MCTP1: variants seen among roughly 807,000 people sequenced by gnomAD.
MCTP1 encodes the protein multiple C2 and transmembrane domain-containing protein 1.
In MCTP1, 69 loss-of-function variants were observed where a neutral mutation model predicts 120.6. The observed-to-expected ratio is 0.57, with a 90% CI of 0.47 to 0.70. The LOEUF is 0.70. Among genes scored for constraint, MCTP1 ranks in the 30% least tolerant of loss-of-function variants. The probability of loss-of-function intolerance (pLI) is 0.00; values close to 1 mark genes in which losing one functional copy is unlikely to be tolerated. For missense variants in MCTP1, 1,203 were observed against 1,248.8 expected, an observed-to-expected ratio of 0.96 and a Z score of 0.55; for synonymous variants, 529 against 493.1, an observed-to-expected ratio of 1.07 and a Z score of -0.96.
intron 17 of MCTP1, among the ~76,000 whole-genome samples, chr5:94,840,636 G>A (rs1274300481): frequency 2.0e-5 from 3 of 152,120 alleles, no homozygotes; most frequent in Non-Finnish European, 4.4e-5. Flanking sequence ...TAATCAAAGA[G>A]CTGGATTTAT....
chr5:94,872,053 C>G (rs182182935), intron 13 of MCTP1, among the ~76,000 whole-genome samples: 1 of 152,030 alleles, frequency 6.6e-6, no homozygotes, highest in African/African-American at 2.4e-5. Context: ...TGTTAATAAA[C>G]GACTGCGTGA....
intron 18 of MCTP1, among the ~76,000 whole-genome samples, chr5:94,796,932 C>T (rs1274601285): frequency 7.9e-5 from 12 of 151,840 alleles, no homozygotes. Context: ...GTGTAGTTGG[C>T]ATTCCATGAG....
At chr5:95,224,127 G>A (rs1327923022) in intron 1 of MCTP1, among the ~76,000 whole-genome samples, 1 of 152,140 alleles carries the variant, frequency 6.6e-6, no homozygotes, top group Non-Finnish European at 1.5e-5. Context: ...TGCCATAAAG[G>A]GCATGTTACG....
chr5:95,239,783 C>T (rs953598313), intron 1 of MCTP1, among the ~76,000 whole-genome samples: 1 of 152,194 alleles, frequency 6.6e-6, no homozygotes, highest in Non-Finnish European at 1.5e-5. Context: ...TTGATTAGGA[C>T]AGATGATCTC....
chr5:95,092,864 A>G (rs2152345165), intron 1 of MCTP1, among the ~76,000 whole-genome samples: 1 of 152,330 alleles, frequency 6.6e-6, no homozygotes, highest in South Asian at 2.1e-4. Flanking sequence ...TTTTTTAGGC[A>G]GACAGTGGAC....
intron 19 of MCTP1, among the ~76,000 whole-genome samples, chr5:94,763,291 C>A (rs1053520710): frequency 6.6e-6 from 1 of 152,148 alleles, no homozygotes; most frequent in Non-Finnish European, 1.5e-5. Context: ...TTCCTCATTA[C>A]TTGAAGAATA....
At chr5:95,100,049 C>T (rs1246178046) in intron 1 of MCTP1, among the ~76,000 whole-genome samples, 1 of 150,200 alleles carries the variant, frequency 6.7e-6, no homozygotes, top group African/African-American at 2.5e-5. Context: ...CGCATATTCT[C>T]ACTCATAGGT....
intron 17 of MCTP1, among the ~76,000 whole-genome samples, chr5:94,837,321 C>T (rs896418257): frequency 2.0e-5 from 3 of 152,142 alleles, no homozygotes; most frequent in Non-Finnish European, 2.9e-5. Flanking sequence ...ATTGAAACTG[C>T]AGTGAGCCAT....
rs192346489 is a variant in MCTP1, at chr5:95,144,966, T to C, written c.721-127482A>G. 2.5e-4 allele frequency among the ~76,000 whole-genome samples: 38 copies of C among 152,322 alleles called. No individual in the cohort carries two copies. In the East Asian group the frequency reaches 7.1e-3, roughly 29 times the overall value. ...CGTTGATATTTTGATAGAGATGGCA[T>C]TGAATCTGTAAATTGCTTTGGGAAA... On this transcript the variant is annotated intron_variant, in intron 1 of 22. Transcript: ENST00000515393.
At chr5:95,221,495 G>A (rs1334539805) in intron 1 of MCTP1, among the ~76,000 whole-genome samples, 2 of 152,126 alleles carry the variant, frequency 1.3e-5, no homozygotes, top group African/African-American at 4.8e-5. Context: ...TACTTCCCAT[G>A]GTGACAAATG....
intron 1 of MCTP1, among the ~76,000 whole-genome samples, chr5:95,218,006 C>T (rs572697364): frequency 6.6e-6 from 1 of 152,142 alleles, no homozygotes; most frequent in African/African-American, 2.4e-5. Flanking sequence ...GACGTATTGT[C>T]CAAATTTGCT....
intron 17 of MCTP1, among the ~76,000 whole-genome samples, chr5:94,812,941 T>C (rs1783749665): frequency 6.6e-6 from 1 of 152,088 alleles, no homozygotes; most frequent in South Asian, 2.1e-4. Flanking sequence ...AATGTCTGTG[T>C]GTGTGCGTGC....
chr5:94,796,150 A>G (rs1779955012), intron 18 of MCTP1, among the ~76,000 whole-genome samples: 1 of 152,130 alleles, frequency 6.6e-6, no homozygotes, highest in Non-Finnish European at 1.5e-5. Context: ...TCAACTTCGT[A>G]TGTCACGGAA....
At chr5:94,972,509 C>T (rs555732983) in intron 2 of MCTP1, among the ~76,000 whole-genome samples, 10 of 152,070 alleles carry the variant, frequency 6.6e-5, no homozygotes, top group Middle Eastern at 3.2e-3. Flanking sequence ...GAATAAGTGA[C>T]CTATGCAACT....
At chr5:95,188,090 T>C (rs1749423669) in intron 1 of MCTP1, among the ~76,000 whole-genome samples, 1 of 151,772 alleles carries the variant, frequency 6.6e-6, no homozygotes, top group Non-Finnish European at 1.5e-5. Context: ...AAACAGAAAA[T>C]GGACAAAAGA....
At chr5:94,710,763 T>C (rs1188262888) in intron 21 of MCTP1, 55 bp downstream of exon 21, 1 of 1,116,038 alleles carries the variant, frequency 9.0e-7, no homozygotes, top group East Asian at 2.4e-5. Context: ...CTCTTAAACA[T>C]AGTTTGTTCT....
chr5:94,849,265 A>C (rs1793149268), intron 17 of MCTP1, among the ~76,000 whole-genome samples: 1 of 152,180 alleles, frequency 6.6e-6, no homozygotes, highest in African/African-American at 2.4e-5. Flanking sequence ...GATTATAATA[A>C]AATATAAACT....
intron 1 of MCTP1, among the ~76,000 whole-genome samples, chr5:95,181,499 G>A (rs776355872): frequency 6.6e-6 from 1 of 152,124 alleles, no homozygotes; most frequent in Non-Finnish European, 1.5e-5. Flanking sequence ...ATATAAAAGA[G>A]CACTTCCTGT....
chr5:94,981,699 A>G (rs2153597872), intron 2 of MCTP1, among the ~76,000 whole-genome samples: 1 of 152,218 alleles, frequency 6.6e-6, no homozygotes, highest in South Asian at 2.1e-4. Context: ...AGAAAGCCTC[A>G]CCTATAAGGA....
Sources: allele counts gnomAD v4.1 joint callset (sites outside exome capture counted in the v4.1 genomes callset), GRCh38; gene constraint gnomAD v4.1.1; transcripts MANE v1.5; gene names NCBI Gene and HGNC (gene_info 2026-07-23, HGNC 2026-07-21).